Variants in SATL1 observed in about 807,000 individuals in gnomAD.
SATL1 encodes spermidine/spermine N(1)-acetyltransferase-like protein 1.
A neutral mutation model predicts 51.8 loss-of-function variants in SATL1; 47 were observed. That is an observed-to-expected ratio of 0.91 (90% confidence interval 0.72 to 1.16). SATL1 has a LOEUF of 1.16. Among genes scored for constraint, SATL1 ranks in the 50% most tolerant of loss-of-function variants. SATL1 has a pLI of 0.00. For synonymous variants in SATL1, 176 were observed against 182.4 expected (o/e 0.97, Z 0.28); for missense variants, 520 against 526.4 (o/e 0.99, Z 0.12).
chrX:85,242,110 G>C (rs1358361037), intron 1 of SATL1, among the ~76,000 whole-genome samples: 2 of 111,913 alleles, frequency 1.8e-5, no homozygotes, highest in Non-Finnish European at 3.8e-5. Flanking sequence ...CTAGATGTTT[G>C]GAGAAAGAGG....
intron 1 of SATL1, among the ~76,000 whole-genome samples, chrX:85,243,036 A>G (rs1928669589): frequency 1.8e-5 from 2 of 112,375 alleles, no homozygotes; most frequent in African/African-American, 6.5e-5. Context: ...TGAGCCAGGT[A>G]CTGTGCTAGG....
chrX:85,195,175 A>T (rs1456857872), intron 2 of SATL1, among the ~76,000 whole-genome samples: 2 of 111,253 alleles, frequency 1.8e-5, no homozygotes, highest in Non-Finnish European at 3.8e-5. Flanking sequence ...GACCTAGAAG[A>T]TATCATCATA....
chrX:85,100,781 C>G (rs1223055829), intron 4 of SATL1, among the ~76,000 whole-genome samples: 3 of 111,650 alleles, frequency 2.7e-5, no homozygotes, highest in African/African-American at 9.8e-5. Flanking sequence ...TATTGGAGGA[C>G]TCACACTTCC....
At chrX:85,203,042 C>T (rs901527303) in intron 2 of SATL1, among the ~76,000 whole-genome samples, 1 of 111,514 alleles carries the variant, frequency 9.0e-6, no homozygotes, top group African/African-American at 3.3e-5. Context: ...TGGGCACCCA[C>T]GTAACAGTCT....
intron 2 of SATL1, among the ~76,000 whole-genome samples, chrX:85,191,363 C>T (rs1189478064): frequency 7.2e-5 from 8 of 111,492 alleles, no homozygotes; most frequent in Admixed American, 3.8e-4. Context: ...TCACATCAAA[C>T]TATTATCATT....
At chrX:85,125,850 A>G (rs1281857702) in intron 2 of SATL1, among the ~76,000 whole-genome samples, 1 of 110,392 alleles carries the variant, frequency 9.1e-6, no homozygotes, top group African/African-American at 3.3e-5. Context: ...TTAATTCTTT[A>G]TGAATTATGA....
At position 85,169,929 on chromosome X, in the gene SATL1, T is replaced by C. The variant is rs1186509677; in HGVS notation, c.-313+54276A>G. Among the ~76,000 whole-genome samples the C allele has an allele frequency of 3.6e-5, 4 of 111,867 alleles. No homozygotes were observed. In the East Asian group the frequency reaches 1.1e-3, roughly 31 times the overall value. On this transcript the variant is annotated intron_variant, in intron 2 of 7. Coordinates refer to ENST00000644105, the MANE Select transcript of SATL1 (RefSeq NM_001367857.2). ...AATGTGATACATGTAAAGCATGGAA[T>C]ACTATGCAGCTATAAAAAAGAACAA...
At chrX:85,159,945 C>A (rs1385644659) in intron 2 of SATL1, among the ~76,000 whole-genome samples, 1 of 111,494 alleles carries the variant, frequency 9.0e-6, no homozygotes, top group East Asian at 2.8e-4. Context: ...GTTCTGGGAC[C>A]AGCAGGTCGG....
chrX:85,241,240 A>C (rs1253266330), intron 1 of SATL1, among the ~76,000 whole-genome samples: 2 of 110,890 alleles, frequency 1.8e-5, no homozygotes, highest in South Asian at 3.8e-4. Flanking sequence ...GTACACATGG[A>C]CATAAAGATG....
chrX:85,165,191 G>C (rs1292722282), intron 2 of SATL1, among the ~76,000 whole-genome samples: 1 of 111,173 alleles, frequency 9.0e-6, no homozygotes, highest in African/African-American at 3.3e-5. Context: ...CTTATGTTTA[G>C]TCATTTAACA....
chrX:85,116,622 C>T (rs1431860937), intron 2 of SATL1, among the ~76,000 whole-genome samples: 1 of 111,377 alleles, frequency 9.0e-6, no homozygotes, highest in Non-Finnish European at 1.9e-5. Flanking sequence ...AATGTGTATG[C>T]TTGAGCCCAC....
At chrX:85,102,573 A>G (rs1295901973) in intron 4 of SATL1, among the ~76,000 whole-genome samples, 1 of 111,852 alleles carries the variant, frequency 8.9e-6, no homozygotes, top group Admixed American at 9.6e-5. Flanking sequence ...AGGACTGAGG[A>G]CATTATGAAA....
intron 1 of SATL1, among the ~76,000 whole-genome samples, chrX:85,238,205 C>CTA: frequency 9.0e-6 from 1 of 111,387 alleles, no homozygotes. Context: ...AATCTCACTG[C>CTA]TATATATATA....
rs1404600399 is a variant in SATL1, at chrX:85,197,516, CT to C, written c.-313+26688del. On this transcript the variant is annotated intron_variant, in intron 2 of 7. Coordinates refer to ENST00000644105, the MANE Select transcript of SATL1 (RefSeq NM_001367857.2). ...TTTATTTTACTTTATTATTATTGTA[CT>C]TTAAGTTTTAGGGTACATGTGCACA... is the stretch of plus-strand genomic sequence containing the variant. Among the ~76,000 whole-genome samples the C allele has an allele frequency of 2.6e-4, 27 of 103,125 alleles. No individual in the cohort carries two copies. In the Admixed American group the frequency reaches 2.8e-3, roughly 11 times the overall value. The allele number at this position is 103,125 out of a possible 115,157, so 89.6% of individuals were successfully genotyped here.
chrX:85,207,477 T>C (rs1927813086), intron 2 of SATL1: 1 of 112,042 alleles, frequency 8.9e-6, no homozygotes, highest in Admixed American at 9.5e-5. Context: ...TCTCTTCATT[T>C]AGTTACTTTT....
intron 3 of SATL1, among the ~76,000 whole-genome samples, chrX:85,104,754 T>C (rs1237499783): frequency 8.9e-6 from 1 of 111,844 alleles, no homozygotes. Context: ...ATATTTTAAA[T>C]CATCTCTGGA....
rs1481656824 is a variant in SATL1, at chrX:85,230,999, T to C, written c.-434-6673A>G. On this transcript the variant is annotated intron_variant, in intron 1 of 7. Coordinates refer to ENST00000644105, the MANE Select transcript of SATL1 (RefSeq NM_001367857.2). ...GGCCATTATGGAAAAAGTATGGAAG[T>C]TCCTTTAAAAACTAAAAATAGAGCT... Among the ~76,000 whole-genome samples the C allele has an allele frequency of 2.7e-5, 3 of 111,592 alleles. No individual in the cohort carries two copies. In the Admixed American group the frequency reaches 2.9e-4, roughly 11 times the overall value.
At chrX:85,131,573 G>T (rs1357320247) in intron 2 of SATL1, among the ~76,000 whole-genome samples, 2 of 110,839 alleles carry the variant, frequency 1.8e-5, no homozygotes, top group Non-Finnish European at 3.8e-5. Context: ...CCTGAATACA[G>T]CACACTGAAG....
intron 2 of SATL1, among the ~76,000 whole-genome samples, chrX:85,201,189 T>TG (rs1927679592): frequency 9.0e-6 from 1 of 111,558 alleles, no homozygotes; most frequent in South Asian, 3.7e-4. Context: ...TGCCTGTGTG[T>TG]GGGGGTGACT....
Sources: gnomAD v4.1 joint callset for allele counts (sites outside exome capture counted in the v4.1 genomes callset) on GRCh38, gnomAD v4.1.1 for gene constraint, MANE v1.5 for transcripts, NCBI Gene and HGNC (gene_info 2026-07-23, HGNC 2026-07-21) for gene names.